The following KCNMA1 variants were observed in gnomAD, a reference collection of about 807,000 sequenced individuals.
The protein encoded by KCNMA1 is potassium calcium-activated channel subfamily M alpha 1.
Under a neutral mutation model 140.0 loss-of-function variants are expected in KCNMA1, and 29 were observed. That is an observed-to-expected ratio of 0.21 (90% CI 0.15 to 0.28). The LOEUF is 0.28. Ranked by LOEUF, KCNMA1 falls within the 10% of genes least tolerant of loss-of-function variation. The pLI, the probability that KCNMA1 is intolerant of heterozygous loss-of-function variation, is 1.00. For missense variants in KCNMA1, 880 were observed against 1,602.2 expected, an observed-to-expected ratio of 0.55 and a Z score of 7.70; for synonymous variants, 612 against 611.9, an observed-to-expected ratio of 1.00 and a Z score of 0.00.
chr10:77,316,808 G>C (rs2081010124), intron 2 of KCNMA1, among the ~76,000 whole-genome samples: 1 of 152,184 alleles, frequency 6.6e-6, no homozygotes, highest in Non-Finnish European at 1.5e-5. Flanking sequence ...CACTGCTTAG[G>C]GGTGTGCTTG....
In KCNMA1 at chr10:77,512,637, T is replaced by G. The variant is rs1028122110; in HGVS notation, c.379-108614A>C. 9.9e-5 allele frequency among the ~76,000 whole-genome samples: 15 copies of G among 152,232 alleles called. No individual in the cohort carries two copies. In the South Asian group the frequency reaches 1.5e-3, roughly 15 times the overall value. On this transcript the variant is annotated intron_variant, in intron 1 of 27. Transcript: ENST00000286628. ...AGGGTCTTTAAAGAAGTAATTAAGTTAAAATGAGGTCATTAGGGTGGGCCC... is the reference window on the plus strand; with the variant it reads ...AGGGTCTTTAAAGAAGTAATTAAGTGAAAATGAGGTCATTAGGGTGGGCCC...
chr10:77,571,239 G>A (rs921050963), intron 1 of KCNMA1, among the ~76,000 whole-genome samples: 1 of 152,200 alleles, frequency 6.6e-6, no homozygotes, highest in Non-Finnish European at 1.5e-5. Flanking sequence ...CACTCGTGGT[G>A]ACTGGTTTCC....
rs1491407529 is a variant in KCNMA1 at position 77,577,107 on chromosome 10, TTC to T, written c.378+60156_378+60157del. Among the ~76,000 whole-genome samples, 99 of 145,772 alleles carry T rather than the reference TTC, an allele frequency of 6.8e-4. 1 individual carries two copies. Among genetic ancestry groups the T allele is most frequent in the Non-Finnish European group, 1.2e-3 (76 of 64,114 alleles). ...ACGAGCCTACACACTCTCTTTTTTT[TTC>T]TTTCCTCGGCTCACTGCAACCTCTG... On this transcript the variant is annotated intron_variant, in intron 1 of 27. Coordinates refer to ENST00000286628, the MANE Select transcript of KCNMA1 (RefSeq NM_001161352.2).
chr10:77,050,636 G>A (rs2095326739), intron 14 of KCNMA1, among the ~76,000 whole-genome samples: 1 of 152,228 alleles, frequency 6.6e-6, no homozygotes, highest in Non-Finnish European at 1.5e-5. Flanking sequence ...GTGGGGTCAA[G>A]TCTATGAGTC....
chr10:77,153,508 A>C (rs1231481449), intron 5 of KCNMA1, among the ~76,000 whole-genome samples: 1 of 152,042 alleles, frequency 6.6e-6, no homozygotes, highest in Non-Finnish European at 1.5e-5. Context: ...CATAGCTGGG[A>C]CTACAGGCAT....
intron 27 of KCNMA1, chr10:76,888,034 A>G (rs1478920913): frequency 5.7e-6 from 1 of 175,390 alleles, no homozygotes; most frequent in African/African-American, 2.4e-5. Flanking sequence ...AAACCTGCCT[A>G]CTTATCAGCA....
chr10:77,075,939 T>C (rs1294837344), intron 13 of KCNMA1, among the ~76,000 whole-genome samples: 1 of 152,180 alleles, frequency 6.6e-6, no homozygotes, highest in Non-Finnish European at 1.5e-5. Context: ...TTGGAGAATA[T>C]AAAGAGCAGG....
At chr10:76,978,652 C>A (rs185075328) in intron 19 of KCNMA1, 1 of 152,278 alleles carries the variant, frequency 6.6e-6, no homozygotes, top group Admixed American at 6.5e-5. Context: ...TAAAGGAACT[C>A]TTTTTCTAAG....
intron 1 of KCNMA1, among the ~76,000 whole-genome samples, chr10:77,523,780 G>C (rs1196918177): frequency 1.3e-5 from 2 of 152,172 alleles, no homozygotes; most frequent in Non-Finnish European, 2.9e-5. Flanking sequence ...AGTAGAAAGA[G>C]AGTTACCAGA....
At chr10:77,136,501 C>T (rs1033556177) in intron 5 of KCNMA1, among the ~76,000 whole-genome samples, 13 of 151,216 alleles carry the variant, frequency 8.6e-5, no homozygotes, top group Non-Finnish European at 1.9e-4. Flanking sequence ...CTTAACATTA[C>T]TGAACTGTAC....
chr10:76,986,352 G>T (rs1487160106), intron 19 of KCNMA1, among the ~76,000 whole-genome samples: 6 of 152,204 alleles, frequency 3.9e-5, no homozygotes, highest in Admixed American at 3.9e-4. Context: ...TCTAAGCTGG[G>T]TAAGGCACAT....
At chr10:77,306,091 A>T (rs1378665350) in intron 2 of KCNMA1, among the ~76,000 whole-genome samples, 1 of 152,172 alleles carries the variant, frequency 6.6e-6, no homozygotes, top group East Asian at 1.9e-4. Context: ...CTCCCAAGGA[A>T]GCTCTGGAAA....
intron 1 of KCNMA1, among the ~76,000 whole-genome samples, chr10:77,426,914 C>A (rs1409060513): frequency 2.6e-5 from 4 of 152,260 alleles, no homozygotes; most frequent in Non-Finnish European, 4.4e-5. Flanking sequence ...GTGACCCACA[C>A]ATACCTACTA....
chr10:76,977,736 T>C, intron 19 of KCNMA1: 1 of 674,906 alleles, frequency 1.5e-6, no homozygotes, highest in Non-Finnish European at 2.7e-6. Context: ...GCTTAGTGAC[T>C]CTACTGTCCC....
intron 1 of KCNMA1, among the ~76,000 whole-genome samples, chr10:77,476,135 C>T (rs2154530044): frequency 6.6e-6 from 1 of 152,302 alleles, no homozygotes; most frequent in South Asian, 2.1e-4. Context: ...GAGTCAAGCT[C>T]CTCTCACAGG....
At chr10:77,308,683 G>A (rs1231451387) in intron 2 of KCNMA1, among the ~76,000 whole-genome samples, 1 of 152,146 alleles carries the variant, frequency 6.6e-6, no homozygotes, top group African/African-American at 2.4e-5. Context: ...GATCACTCAT[G>A]TGCAGGTTTC....
At chr10:77,293,836 A>C (rs1189973349) in intron 2 of KCNMA1, among the ~76,000 whole-genome samples, 1 of 152,224 alleles carries the variant, frequency 6.6e-6, no homozygotes, top group Admixed American at 6.5e-5. Context: ...AAATGCGACT[A>C]ATCTGGCATT....
Position 76,886,231 on chromosome 10 carries a change from A to T in KCNMA1, c.*1035T>A, listed in dbSNP as rs1430425388. 2.0e-6 allele frequency: 2 copies of T among 985,292 alleles called. No homozygotes were observed. The highest frequency in any genetic ancestry group is 2.4e-6 in the Non-Finnish European group (2 of 829,930). The allele number at this position is 985,292 out of a possible 1,614,324, so 61.0% of individuals were successfully genotyped here. On this transcript the variant is annotated 3_prime_UTR_variant, in exon 28 of 28. Coordinates refer to ENST00000286628, the MANE Select transcript of KCNMA1 (RefSeq NM_001161352.2). ...CCTCCTACCTGGCATTGGGGCCCTA[A>T]CTAATCAAACAAAGGGGAGTAAAAA...
exon 28 of KCNMA1, chr10:76,870,465 G>A (rs548160671): frequency 6.6e-6 from 1 of 152,376 alleles, no homozygotes; most frequent in Admixed American, 6.5e-5. Context: ...ATAAGCAAAG[G>A]AAACCTTTCT....
Sources: allele counts gnomAD v4.1 joint callset (sites outside exome capture counted in the v4.1 genomes callset), GRCh38; gene constraint gnomAD v4.1.1; transcripts MANE v1.5; gene names NCBI Gene and HGNC (gene_info 2026-07-23, HGNC 2026-07-21).